The following CD200R1 variants were observed in gnomAD, a reference collection of about 807,000 sequenced individuals.
CD200R1 encodes the protein cell surface glycoprotein CD200 receptor 1.
In CD200R1, 30 loss-of-function variants were observed where a neutral mutation model predicts 38.1. That is an observed-to-expected ratio of 0.79 (90% CI 0.59 to 1.07). CD200R1 has a LOEUF of 1.07. CD200R1 is among the 50% of genes least tolerant of loss of function. CD200R1 has a pLI of 0.00. For missense variants in CD200R1, 372 were observed against 415.4 expected, an observed-to-expected ratio of 0.90 and a Z score of 0.91; for synonymous variants, 128 against 152.1, an observed-to-expected ratio of 0.84 and a Z score of 1.16.
At position 112,947,849 on chromosome 3, in the gene CD200R1, A is replaced by C; in HGVS notation, c.136+7T>G. ...TACTAGAATTATTGTTAAAAGATGC[A>C]CATTACCTAAAGCATGATTCTCCTT... On this transcript the variant is annotated splice_region_variant and intron_variant, in intron 2 of 7. Transcript: ENST00000308611. 6.3e-7 allele frequency: 1 copy of C among 1,596,388 alleles called. No homozygotes were observed. Among genetic ancestry groups the C allele is most frequent in the Non-Finnish European group, 8.6e-7 (1 of 1,163,914 alleles).
At chr3:112,971,790 G>A (rs1933316341) in intron 1 of CD200R1, among the ~76,000 whole-genome samples, 1 of 152,094 alleles carries the variant, frequency 6.6e-6, no homozygotes, top group Non-Finnish European at 1.5e-5. Context: ...CTCTGTTCCT[G>A]CAAGCTACAG....
At chr3:112,960,840 T>C (rs1017336639) in intron 1 of CD200R1, among the ~76,000 whole-genome samples, 3 of 146,750 alleles carry the variant, frequency 2.0e-5, no homozygotes, top group African/African-American at 7.7e-5. Flanking sequence ...TCAAATGCAA[T>C]ATATATTTTA....
At chr3:112,924,128 T>A (rs1025185011) in intron 7 of CD200R1, among the ~76,000 whole-genome samples, 1 of 151,868 alleles carries the variant, frequency 6.6e-6, no homozygotes, top group African/African-American at 2.4e-5. Context: ...AGGATATGTT[T>A]TAAGTTTGTG....
rs566234271 is a variant in CD200R1, at chr3:112,934,450, G to A, written c.137-3279C>T. Among the ~76,000 whole-genome samples the A allele has an allele frequency of 9.0e-4, 137 of 152,242 alleles. 1 individual carries two copies. The highest frequency in any genetic ancestry group is 6.8e-3 in the Middle Eastern group (2 of 294). ...AAAAAAAATCAATAAAATGACAGAT[G>A]TAAGTTCTCATCTATCAAATAATCT... On this transcript the variant is annotated intron_variant, in intron 2 of 7. Coordinates refer to ENST00000308611, the MANE Select transcript of CD200R1 (RefSeq NM_138806.4).
chr3:112,956,272 T>C (rs1941096682), intron 1 of CD200R1, among the ~76,000 whole-genome samples: 1 of 152,282 alleles, frequency 6.6e-6, no homozygotes, highest in South Asian at 2.1e-4. Flanking sequence ...TTCTTCCTTT[T>C]GCTTGATAAT....
In CD200R1 at chr3:112,925,108, C is replaced by G; in HGVS notation, c.855G>C (p.Trp285Cys). 6.3e-7 allele frequency: 1 copy of G among 1,598,696 alleles called. No individual in the cohort carries two copies. The highest frequency in any genetic ancestry group is 8.6e-7 in the Non-Finnish European group (1 of 1,167,168). ...IIILTIVGFI[W>C]LLKVNGCRKY... is the part of the protein sequence containing the mutation. ...ACCTGCAGCCATTGACTTTCAACAACCAAATGAATCCCACGATGGTCAAAA... is the reference window on the plus strand; with the variant it reads ...ACCTGCAGCCATTGACTTTCAACAAGCAAATGAATCCCACGATGGTCAAAA... Residue 285 changes from tryptophan (W) to cysteine (C), a missense_variant, in exon 6 of 8, where the codon TGG (tryptophan) becomes TGC (cysteine). Trp to Cys is a radical substitution (Grantham distance 215). Coordinates refer to ENST00000308611, the MANE Select transcript of CD200R1 (RefSeq NM_138806.4).
At chr3:112,954,618 G>A (rs1348005555) in intron 1 of CD200R1, among the ~76,000 whole-genome samples, 2 of 152,106 alleles carry the variant, frequency 1.3e-5, no homozygotes, top group African/African-American at 2.4e-5. Context: ...AATAAATAAT[G>A]CTTATCTAAT....
Position 112,929,081 on chromosome 3 carries a change from G to C in CD200R1, c.521-17C>G. ...CAGGTGTAACTGCAGAGAGGAAAGA[G>C]GGAAAAAAATGCTTCGGTTTTCACA... On this transcript the variant is annotated splice_polypyrimidine_tract_variant and intron_variant, in intron 4 of 7. Coordinates refer to ENST00000308611, the MANE Select transcript of CD200R1 (RefSeq NM_138806.4). The C allele has an allele frequency of 6.2e-7, 1 of 1,612,492 alleles. No individual in the cohort carries two copies. The highest frequency in any genetic ancestry group is 8.5e-7 in the Non-Finnish European group (1 of 1,179,182).
intron 1 of CD200R1, among the ~76,000 whole-genome samples, chr3:112,951,065 T>A (rs1940960918): frequency 6.6e-6 from 1 of 151,414 alleles, no homozygotes. Flanking sequence ...ATGCAAAAAA[T>A]TAAGGAAATC....
intron 2 of CD200R1, among the ~76,000 whole-genome samples, chr3:112,945,319 T>G (rs747777300): frequency 1.3e-5 from 2 of 152,162 alleles, no homozygotes; most frequent in South Asian, 4.1e-4. Flanking sequence ...ACTTCAAGAT[T>G]TACTATAAAG....
intron 1 of CD200R1, among the ~76,000 whole-genome samples, chr3:112,957,855 A>G (rs1198038967): frequency 2.0e-5 from 3 of 152,160 alleles, no homozygotes; most frequent in African/African-American, 7.2e-5. Context: ...AAATAAAAAG[A>G]TATTAAAATG....
At chr3:112,937,423 C>T (rs1332065932) in intron 2 of CD200R1, among the ~76,000 whole-genome samples, 1 of 150,996 alleles carries the variant, frequency 6.6e-6, no homozygotes, top group Non-Finnish European at 1.5e-5. Context: ...AGCCAGCTGT[C>T]CCAGCACCAT....
intron 1 of CD200R1, among the ~76,000 whole-genome samples, chr3:112,966,280 C>T (rs1933159305): frequency 6.6e-6 from 1 of 152,112 alleles, no homozygotes; most frequent in South Asian, 2.1e-4. Context: ...AGTCTAGATC[C>T]CTATACACTG....
At position 112,974,792 on chromosome 3, in the gene CD200R1, G is replaced by C; in HGVS notation, c.66C>G (p.Ala22=). 2 of 1,602,398 alleles carry C rather than the reference G, an allele frequency of 1.2e-6. No individual in the cohort carries two copies. The highest frequency in any genetic ancestry group is 1.7e-6 in the Non-Finnish European group (2 of 1,169,578). Residue 22 remains alanine, a splice_region_variant and synonymous_variant, in exon 1 of 8, where the codon GCC becomes GCG. Transcript: ENST00000308611. ...LLLILTIFLV[A]EAEGAAQPNN... ...CTCCCAAAGAGAATTCAAACTTACC[G>C]GCCACTAAGAAGATAGTCAAAATCA...
At chr3:112,943,756 C>A (rs1290235037) in intron 2 of CD200R1, among the ~76,000 whole-genome samples, 1 of 151,558 alleles carries the variant, frequency 6.6e-6, no homozygotes, top group African/African-American at 2.4e-5. Context: ...TTGCTAATAT[C>A]TGATATGAAA....
At chr3:112,932,821 C>T (rs748402772) in intron 2 of CD200R1, among the ~76,000 whole-genome samples, 15 of 152,102 alleles carry the variant, frequency 9.9e-5, no homozygotes, top group African/African-American at 2.2e-4. Flanking sequence ...GGCTGAGAAA[C>T]AGCCCCACAA....
At chr3:112,951,273 C>A (rs1262529630) in intron 1 of CD200R1, among the ~76,000 whole-genome samples, 1 of 151,876 alleles carries the variant, frequency 6.6e-6, no homozygotes, top group Non-Finnish European at 1.5e-5. Flanking sequence ...TTGAAATGGA[C>A]AAATTCATTG....
intron 2 of CD200R1, among the ~76,000 whole-genome samples, chr3:112,946,932 T>A (rs1350235579): frequency 7.2e-6 from 1 of 138,658 alleles, no homozygotes; most frequent in Non-Finnish European, 1.5e-5. Flanking sequence ...AGTCAAACAA[T>A]GGAATATTAT....
chr3:112,929,828 A>T (rs1262216702), intron 3 of CD200R1, among the ~76,000 whole-genome samples: 1 of 152,140 alleles, frequency 6.6e-6, no homozygotes, highest in African/African-American at 2.4e-5. Flanking sequence ...AATGTTCTAC[A>T]TCTAATCTTT....
Sources: allele counts gnomAD v4.1 joint callset (sites outside exome capture counted in the v4.1 genomes callset), GRCh38; gene constraint gnomAD v4.1.1; transcripts MANE v1.5; gene names NCBI Gene and HGNC (gene_info 2026-07-23, HGNC 2026-07-21).